Variants in THRAP3 observed in about 807,000 individuals in gnomAD.
THRAP3 encodes the protein thyroid hormone receptor-associated protein 3.
In THRAP3, 16 loss-of-function variants were observed where a neutral mutation model predicts 101.0. The ratio of observed to expected loss-of-function variants is 0.16; its 90% confidence interval spans 0.11 to 0.24. THRAP3 has a LOEUF of 0.24. Ranked by LOEUF, THRAP3 falls within the 10% of genes least tolerant of loss-of-function variation. The pLI, the probability that THRAP3 is intolerant of heterozygous loss-of-function variation, is 1.00. For synonymous variants in THRAP3, 407 were observed against 422.6 expected, an observed-to-expected ratio of 0.96 and a Z score of 0.45; for missense variants, 989 against 1,202.7, an observed-to-expected ratio of 0.82 and a Z score of 2.63.
At chr1:36,292,455 A>C in intron 6 of THRAP3, 143 bp from the exon 7 acceptor site, 1 of 538,196 alleles carries the variant, frequency 1.9e-6, no homozygotes, top group African/African-American at 1.9e-5. Context: ...TATTTTTAGT[A>C]GAGACGGGGT....
intron 1 of THRAP3, among the ~76,000 whole-genome samples, chr1:36,246,596 A>G (rs1413591465): frequency 6.6e-6 from 1 of 152,142 alleles, no homozygotes; most frequent in Non-Finnish European, 1.5e-5. Flanking sequence ...TAATCCCAGC[A>G]CTTTGGGAGG....
At chr1:36,274,995 C>T (rs369387919) in intron 2 of THRAP3, among the ~76,000 whole-genome samples, 21 of 146,604 alleles carry the variant, frequency 1.4e-4, no homozygotes, top group African/African-American at 3.2e-4. Context: ...CTTTTTTGGC[C>T]GGGCGCGGTG....
intron 1 of THRAP3, among the ~76,000 whole-genome samples, chr1:36,254,464 A>G (rs1645347987): frequency 6.6e-6 from 1 of 152,188 alleles, no homozygotes. Context: ...TTTTGATGTG[A>G]TGGATATGCA....
chr1:36,232,443 C>T (rs1446927806), intron 1 of THRAP3, among the ~76,000 whole-genome samples: 1 of 151,970 alleles, frequency 6.6e-6, no homozygotes, highest in Non-Finnish European at 1.5e-5. Flanking sequence ...TAATAGTACT[C>T]CTCTTCAAAA....
intron 1 of THRAP3, among the ~76,000 whole-genome samples, chr1:36,249,124 G>C (rs531061808): frequency 6.6e-6 from 1 of 151,730 alleles, no homozygotes; most frequent in Non-Finnish European, 1.5e-5. Flanking sequence ...CAGACCACAG[G>C]CTGTCCACCT....
chr1:36,208,901 A>T, the THRAP3 span, among the ~76,000 whole-genome samples: 1 of 150,226 alleles, frequency 6.7e-6, no homozygotes, highest in African/African-American at 2.5e-5. Context: ...TCCTGAGTGC[A>T]AGTGATCTGC....
intron 2 of THRAP3, among the ~76,000 whole-genome samples, chr1:36,265,846 A>C (rs1348120599): frequency 6.6e-6 from 1 of 151,762 alleles, no homozygotes; most frequent in Non-Finnish European, 1.5e-5. Context: ...CTACCCCCTA[A>C]AAATTATTTT....
intron 1 of THRAP3, among the ~76,000 whole-genome samples, chr1:36,240,822 A>G (rs1289445175): frequency 6.6e-6 from 1 of 152,052 alleles, no homozygotes; most frequent in Non-Finnish European, 1.5e-5. Flanking sequence ...GATAATATTT[A>G]TTTTACCTGC....
chr1:36,287,955 G>C, intron 4 of THRAP3: 1 of 980,588 alleles, frequency 1.0e-6, no homozygotes, highest in Non-Finnish European at 1.2e-6. Context: ...ACTGGGACCA[G>C]GTTGTGGTCA....
At chr1:36,233,026 G>A (rs578027921) in intron 1 of THRAP3, among the ~76,000 whole-genome samples, 9 of 151,504 alleles carry the variant, frequency 5.9e-5, no homozygotes, top group East Asian at 2.0e-4. Flanking sequence ...ATACCACCAC[G>A]CCCAGCTAAT....
Position 36,277,715 on chromosome 1 carries a change from A to G in THRAP3, c.-31-4818A>G, listed in dbSNP as rs888629190. On this transcript the variant is annotated intron_variant, in intron 2 of 11. Coordinates refer to ENST00000354618, the MANE Select transcript of THRAP3 (RefSeq NM_005119.4). ...TGGTTTTTGAAAAGGGTGAAAAACC[A>G]AATGAGTTTTTAGATGTATGGTCAA... Among the ~76,000 whole-genome samples, 11 of 152,278 alleles carry G rather than the reference A, an allele frequency of 7.2e-5. No individual in the cohort carries two copies. In the East Asian group the frequency reaches 1.4e-3, roughly 19 times the overall value.
intron 9 of THRAP3, among the ~76,000 whole-genome samples, chr1:36,299,302 G>C (rs143194836): frequency 0.084 from 12,696 of 151,702 alleles, 738 homozygotes; most frequent in Middle Eastern, 0.23. Context: ...AGCCGGGCAT[G>C]GTGGTGGGTG....
intron 8 of THRAP3, among the ~76,000 whole-genome samples, chr1:36,295,247 AAAAAG>A (rs1645930677): frequency 6.6e-6 from 1 of 152,102 alleles, no homozygotes; most frequent in African/African-American, 2.4e-5. Flanking sequence ...GAAAAAAAAA[AAAAAG>A]AATAAACCTA....
chr1:36,282,315 CTT>C lies in THRAP3; in HGVS notation c.-31-216_-31-215del, dbSNP rs1469242815. ...GAGGTGTGATCACAGCTCACTGTAA[CTT>C]TGCACTCCCTCCTGTCTTAGCCTCT... On this transcript the variant is annotated intron_variant, in intron 2 of 11. Coordinates refer to ENST00000354618, the MANE Select transcript of THRAP3 (RefSeq NM_005119.4). 2.6e-5 allele frequency among the ~76,000 whole-genome samples: 4 copies of C among 151,562 alleles called. No individual in the cohort carries two copies. In the East Asian group the frequency reaches 7.8e-4, roughly 30 times the overall value.
chr1:36,236,801 G>A (rs1645095303), intron 1 of THRAP3, among the ~76,000 whole-genome samples: 1 of 152,202 alleles, frequency 6.6e-6, no homozygotes, highest in African/African-American at 2.4e-5. Flanking sequence ...TTACCTCTAT[G>A]CTGAAAGTAA....
At chr1:36,263,935 G>A (rs962337490) in intron 2 of THRAP3, among the ~76,000 whole-genome samples, 4 of 152,204 alleles carry the variant, frequency 2.6e-5, no homozygotes, top group African/African-American at 7.2e-5. Context: ...TTGATAATAC[G>A]ACCTTTCCTT....
In THRAP3 at chr1:36,303,969, G is replaced by A. The variant is rs41267279; in HGVS notation, c.2820G>A (p.Gly940=). The change falls in exon 12 of 12, where the codon GGG becomes GGA. Residue 940 remains glycine (G), a synonymous_variant. Coordinates refer to ENST00000354618, the MANE Select transcript of THRAP3 (RefSeq NM_005119.4). ...EEGEIEDDES[G]TENREEKDNI... ...GGGAGATTGAAGACGACGAGAGTGG[G>A]ACAGAGAACCGAGAAGAGAAGGACA... 9,974 of 1,606,862 alleles carry A rather than the reference G, an allele frequency of 6.2e-3. 43 individuals are homozygous for A. The highest frequency in any genetic ancestry group is 7.5e-3 in the Non-Finnish European group (8,771 of 1,176,740).
upstream of THRAP3, among the ~76,000 whole-genome samples, chr1:36,222,336 T>C (rs2124302007): frequency 6.6e-6 from 1 of 152,366 alleles, no homozygotes; most frequent in African/African-American, 2.4e-5. Flanking sequence ...CTAACCTTAC[T>C]GCAATCTTTG....
chr1:36,292,799 C>A (rs1380793750), intron 7 of THRAP3, 90 bp downstream of exon 7: 4 of 933,698 alleles, frequency 4.3e-6, no homozygotes, highest in Non-Finnish European at 6.6e-6. Context: ...TGCTAATGCA[C>A]CTTTAATACA....
Sources: gnomAD v4.1 joint callset for allele counts (sites outside exome capture counted in the v4.1 genomes callset) on GRCh38, gnomAD v4.1.1 for gene constraint, MANE v1.5 for transcripts, NCBI Gene and HGNC (gene_info 2026-07-23, HGNC 2026-07-21) for gene names.